GPR176: variants seen among roughly 807,000 people sequenced by gnomAD.
The protein encoded by GPR176 is G protein-coupled receptor 176, also known as G-protein coupled receptor 176.
Under a neutral mutation model 35.4 loss-of-function variants are expected in GPR176, and 26 were observed. That is an observed-to-expected ratio of 0.74 (90% CI 0.54 to 1.02). The LOEUF (loss-of-function observed/expected upper bound fraction) is 1.02, where lower values mean the gene tolerates loss of function less well. Ranked by LOEUF, GPR176 falls within the 50% of genes least tolerant of loss-of-function variation. The pLI is 0.00. For synonymous variants in GPR176, 278 were observed against 271.3 expected (o/e 1.02, Z -0.24); for missense variants, 597 against 665.3 (o/e 0.90, Z 1.13).
At chr15:39,858,631 G>A (rs1168539031) in intron 1 of GPR176, among the ~76,000 whole-genome samples, 1 of 152,144 alleles carries the variant, frequency 6.6e-6, no homozygotes, top group Admixed American at 6.5e-5. Context: ...GAGGATCACT[G>A]GGGCCCAGGA....
At chr15:39,807,332 T>C in intron 1 of GPR176, 74 bp from the exon 2 acceptor site, 2 of 1,033,624 alleles carry the variant, frequency 1.9e-6, no homozygotes, top group South Asian at 4.9e-5. Flanking sequence ...AAAGTACAGG[T>C]TAAAAAATGT....
chr15:39,813,270 A>G (rs1899688214), intron 1 of GPR176: 1 of 152,220 alleles, frequency 6.6e-6, no homozygotes, highest in African/African-American at 2.4e-5. Flanking sequence ...TTCTTTGTGT[A>G]GACACAAGTT....
At chr15:39,891,713 C>CGTAT (rs746148463) in intron 1 of GPR176, among the ~76,000 whole-genome samples, 2 of 152,262 alleles carry the variant, frequency 1.3e-5, no homozygotes, top group Middle Eastern at 3.4e-3. Context: ...GTGGCATATA[C>CGTAT]CTGTACTACC....
chr15:39,809,378 ATGTG>A (rs145422158), intron 1 of GPR176, among the ~76,000 whole-genome samples: 3 of 150,774 alleles, frequency 2.0e-5, no homozygotes, highest in African/African-American at 4.9e-5. Context: ...TTAAAAATAA[ATGTG>A]TGTGTGTGTG....
At chr15:39,902,443 C>G (rs2033307992) in intron 1 of GPR176, among the ~76,000 whole-genome samples, 1 of 152,224 alleles carries the variant, frequency 6.6e-6, no homozygotes, top group Non-Finnish European at 1.5e-5. Context: ...AGTTAGCCCT[C>G]TAGTCCCTAA....
chr15:39,906,637 C>T (rs541587140), intron 1 of GPR176, among the ~76,000 whole-genome samples: 1 of 152,326 alleles, frequency 6.6e-6, no homozygotes, highest in South Asian at 2.1e-4. Context: ...AAACCTTCTG[C>T]CCCTGTGGAT....
intron 1 of GPR176, among the ~76,000 whole-genome samples, chr15:39,886,125 C>T (rs796956910): frequency 6.6e-6 from 1 of 151,856 alleles, no homozygotes; most frequent in South Asian, 2.1e-4. Flanking sequence ...CCCAGCTACT[C>T]GGGAGGCTGG....
At chr15:39,873,458 A>T (rs2032124144) in intron 1 of GPR176, among the ~76,000 whole-genome samples, 1 of 152,168 alleles carries the variant, frequency 6.6e-6, no homozygotes. Flanking sequence ...AGCTGTGCGC[A>T]GGTAGGGATA....
intron 1 of GPR176, among the ~76,000 whole-genome samples, chr15:39,857,132 A>C (rs910097507): frequency 6.6e-6 from 1 of 152,232 alleles, no homozygotes; most frequent in Non-Finnish European, 1.5e-5. Flanking sequence ...AAGCAAAGCC[A>C]TGGGTGTGTA....
intron 1 of GPR176, among the ~76,000 whole-genome samples, chr15:39,890,885 A>T (rs1409921626): frequency 2.6e-5 from 4 of 152,220 alleles, no homozygotes; most frequent in Non-Finnish European, 5.9e-5. Flanking sequence ...AAGGCCATAT[A>T]CTAAATTTGG....
rs542903880 is a variant in GPR176 at position 39,853,022 on chromosome 15, T to TA, written c.173-45765dup. On this transcript the variant is annotated intron_variant, in intron 1 of 2. Transcript: ENST00000561100. Reference sequence around the variant, plus strand: ...ACAGTATGGAGGTTCCTCAAAAAATTAAAAAATAGAACCATTATATAATCC... The same window carrying TA: ...ACAGTATGGAGGTTCCTCAAAAAATTAAAAAAATAGAACCATTATATAATCC... Among the ~76,000 whole-genome samples, 387 of 152,266 alleles carry TA rather than the reference T, an allele frequency of 2.5e-3. 5 individuals are homozygous for TA. Among genetic ancestry groups the TA allele is most frequent in the African/African-American group, 8.9e-3 (368 of 41,566 alleles).
chr15:39,808,714 G>A (rs551412115), intron 1 of GPR176, among the ~76,000 whole-genome samples: 17 of 152,286 alleles, frequency 1.1e-4, no homozygotes, highest in African/African-American at 4.1e-4. Flanking sequence ...GTAGGCATTT[G>A]ATAAATATTT....
At chr15:39,811,039 A>G (rs1899513473) in intron 1 of GPR176, among the ~76,000 whole-genome samples, 1 of 152,234 alleles carries the variant, frequency 6.6e-6, no homozygotes, top group South Asian at 2.1e-4. Context: ...CTAATATGCC[A>G]GGTAACAACA....
chr15:39,853,436 G>A (rs1013830841), intron 1 of GPR176, among the ~76,000 whole-genome samples: 1 of 152,180 alleles, frequency 6.6e-6, no homozygotes, highest in Admixed American at 6.5e-5. Context: ...GCTGTTCAAT[G>A]GATGTAGAGT....
chr15:39,912,010 GGAA>G (rs1465666185), intron 1 of GPR176, among the ~76,000 whole-genome samples: 1 of 152,030 alleles, frequency 6.6e-6, no homozygotes, highest in African/African-American at 2.4e-5. Flanking sequence ...CCACCATGAA[GGAA>G]TGGAATACAG....
At chr15:39,877,096 C>A (rs1370433959) in intron 1 of GPR176, among the ~76,000 whole-genome samples, 1 of 152,048 alleles carries the variant, frequency 6.6e-6, no homozygotes, top group Non-Finnish European at 1.5e-5. Flanking sequence ...CATAAGAAAA[C>A]CCAATTATTG....
chr15:39,848,827 G>A (rs936287148), intron 1 of GPR176, among the ~76,000 whole-genome samples: 1 of 149,616 alleles, frequency 6.7e-6, no homozygotes, highest in South Asian at 2.1e-4. Context: ...AGTGCTGAGA[G>A]AGAAATTTAC....
intron 1 of GPR176, among the ~76,000 whole-genome samples, chr15:39,904,614 C>T (rs984793639): frequency 6.6e-6 from 1 of 152,120 alleles, no homozygotes; most frequent in African/African-American, 2.4e-5. Flanking sequence ...GTGTCCCCTG[C>T]AATTGGGGTT....
At chr15:39,913,803 T>C (rs1186760287) in intron 1 of GPR176, among the ~76,000 whole-genome samples, 1 of 152,134 alleles carries the variant, frequency 6.6e-6, no homozygotes, top group Non-Finnish European at 1.5e-5. Flanking sequence ...TCCCAGCACT[T>C]TGGGAGGCCA....
Sources: gnomAD v4.1 joint callset for allele counts (sites outside exome capture counted in the v4.1 genomes callset) on GRCh38, gnomAD v4.1.1 for gene constraint, MANE v1.5 for transcripts, NCBI Gene and HGNC (gene_info 2026-07-23, HGNC 2026-07-21) for gene names.